The following ZNF704 variants were observed in gnomAD, a reference collection of about 807,000 sequenced individuals.
ZNF704 encodes the protein zinc finger protein 704.
A neutral mutation model predicts 44.7 loss-of-function variants in ZNF704; 10 were observed. That is an observed-to-expected ratio of 0.22 (90% CI 0.14 to 0.38). The LOEUF is 0.38. Among genes scored for constraint, ZNF704 ranks in the 10% least tolerant of loss-of-function variants. ZNF704 has a pLI of 1.00. For synonymous variants in ZNF704, 211 were observed against 207.6 expected, an observed-to-expected ratio of 1.02 and a Z score of -0.14; for missense variants, 390 against 545.5, an observed-to-expected ratio of 0.71 and a Z score of 2.84.
intron 2 of ZNF704, among the ~76,000 whole-genome samples, chr8:80,706,017 G>A (rs1818892054): frequency 6.6e-6 from 1 of 152,162 alleles, no homozygotes; most frequent in South Asian, 2.1e-4. Context: ...CATGGCCCAG[G>A]CTAATGGGGT....
intron 2 of ZNF704, among the ~76,000 whole-genome samples, chr8:80,724,129 A>G (rs1806429324): frequency 6.6e-6 from 1 of 152,224 alleles, no homozygotes; most frequent in South Asian, 2.1e-4. Context: ...TTATCTGGTG[A>G]TGCTGGGACT....
rs944065901 is a variant in ZNF704 at position 80,853,550 on chromosome 8, G to GA, written c.-22+21020dup. 6.8e-5 allele frequency among the ~76,000 whole-genome samples: 10 copies of GA among 147,612 alleles called. No homozygotes were observed. In the East Asian group the frequency reaches 1.2e-3, roughly 18 times the overall value. On this transcript the variant is annotated intron_variant, in intron 1 of 8. Transcript: ENST00000327835. ...AGACTTAAATGAGGAAGCAATGGAG[G>GA]AAAAAAAAATTAAAAAAAAGACAAC...
chr8:80,676,049 G>A (rs901539964), intron 4 of ZNF704, among the ~76,000 whole-genome samples: 2 of 152,162 alleles, frequency 1.3e-5, no homozygotes, highest in African/African-American at 4.8e-5. Context: ...AGTGTCTTAG[G>A]AAGGAAGATG....
chr8:80,883,907 T>C, the ZNF704 span, among the ~76,000 whole-genome samples: 1 of 152,230 alleles, frequency 6.6e-6, no homozygotes, highest in South Asian at 2.1e-4. Context: ...TACACCATTT[T>C]AGTTTCTATG....
chr8:80,654,213 G>A (rs1337672631), intron 7 of ZNF704, among the ~76,000 whole-genome samples: 2 of 152,092 alleles, frequency 1.3e-5, no homozygotes, highest in Admixed American at 1.3e-4. Context: ...AGACTTAAAT[G>A]TTAGACCTAA....
At chr8:80,870,235 C>T (rs183834672) in intron 1 of ZNF704, among the ~76,000 whole-genome samples, 45 of 152,284 alleles carry the variant, frequency 3.0e-4, no homozygotes, top group Admixed American at 6.5e-4. Context: ...AAACTAATAA[C>T]CCCTCTTCCA....
chr8:80,750,637 T>G (rs1806926550), intron 2 of ZNF704, among the ~76,000 whole-genome samples: 1 of 152,064 alleles, frequency 6.6e-6, no homozygotes, highest in Admixed American at 6.6e-5. Context: ...TGCCTCAGCC[T>G]CCCGAGTAGC....
At chr8:80,767,507 T>C (rs1055250373) in intron 2 of ZNF704, among the ~76,000 whole-genome samples, 1 of 152,232 alleles carries the variant, frequency 6.6e-6, no homozygotes, top group Non-Finnish European at 1.5e-5. Context: ...TGCCTCGTTT[T>C]CTACTCACAT....
rs146899902 is a variant in ZNF704, at chr8:80,662,606, A to G, written c.927+2209T>C. 6.1e-3 allele frequency among the ~76,000 whole-genome samples: 926 copies of G among 152,336 alleles called. 9 individuals carry two copies. Among genetic ancestry groups the G allele is most frequent in the African/African-American group, 0.021 (882 of 41,580 alleles). ...TTACTCTTGAGTTTAAGTCTGCTAAATAAGTGGCTAAATTTTTCCTCTATA... is the reference window on the plus strand; with the variant it reads ...TTACTCTTGAGTTTAAGTCTGCTAAGTAAGTGGCTAAATTTTTCCTCTATA... On this transcript the variant is annotated intron_variant, in intron 6 of 8. Coordinates refer to ENST00000327835, the MANE Select transcript of ZNF704 (RefSeq NM_001033723.3).
chr8:80,743,005 A>G (rs188691087), intron 2 of ZNF704, among the ~76,000 whole-genome samples: 76 of 152,162 alleles, frequency 5.0e-4, no homozygotes, highest in African/African-American at 1.7e-3. Context: ...AGCTCACTAA[A>G]ATGCTAATTA....
chr8:80,678,730 T>C (rs1585945598), intron 4 of ZNF704, among the ~76,000 whole-genome samples: 1 of 152,216 alleles, frequency 6.6e-6, no homozygotes, highest in South Asian at 2.1e-4. Flanking sequence ...TTCTTTGATG[T>C]GAAAAGTTAC....
intron 4 of ZNF704, among the ~76,000 whole-genome samples, chr8:80,672,294 C>A (rs527434555): frequency 2.0e-5 from 3 of 152,148 alleles, no homozygotes; most frequent in Non-Finnish European, 4.4e-5. Context: ...TGCAGAGAAA[C>A]GAGGATGCAT....
At chr8:80,777,862 G>C (rs1807441455) in intron 2 of ZNF704, among the ~76,000 whole-genome samples, 1 of 149,234 alleles carries the variant, frequency 6.7e-6, no homozygotes. Flanking sequence ...CTAGGCGACA[G>C]AGTGAGGCTG....
At chr8:80,825,024 C>T (rs1044754866) in intron 1 of ZNF704, among the ~76,000 whole-genome samples, 10 of 152,116 alleles carry the variant, frequency 6.6e-5, no homozygotes, top group Admixed American at 2.0e-4. Context: ...AACTAATGAG[C>T]AAAATAACCA....
intron 3 of ZNF704, among the ~76,000 whole-genome samples, chr8:80,692,234 T>C (rs1818650326): frequency 6.6e-6 from 1 of 152,188 alleles, no homozygotes; most frequent in African/African-American, 2.4e-5. Context: ...CATATCATGA[T>C]TAAGAGAATA....
chr8:80,763,211 G>A (rs1807161345), intron 2 of ZNF704, among the ~76,000 whole-genome samples: 2 of 152,198 alleles, frequency 1.3e-5, no homozygotes, highest in African/African-American at 4.8e-5. Context: ...ACTTGGCAGT[G>A]TCCCAGTGGG....
At chr8:80,695,727 T>C (rs539204077) in intron 2 of ZNF704, among the ~76,000 whole-genome samples, 32 of 152,362 alleles carry the variant, frequency 2.1e-4, no homozygotes, top group Admixed American at 7.8e-4. Context: ...TTATAAAATA[T>C]ACATTTATTT....
chr8:80,636,874 A>G lies in ZNF704; in HGVS notation c.*4492T>C, dbSNP rs1817669923. 1 of 152,264 alleles carries G rather than the reference A, an allele frequency of 6.6e-6. No individual in the cohort carries two copies. The highest frequency in any genetic ancestry group is 2.4e-5 in the African/African-American group (1 of 41,468). 9.4% of individuals were successfully genotyped at this position (152,264 alleles called of 1,614,324 possible). ...AAAGTCCATGGAAGTTTGTTCGCTA[A>G]CATGCTATTAAAGCAAAATGTACAT... On this transcript the variant is annotated 3_prime_UTR_variant, in exon 9 of 9. Transcript: ENST00000327835.
At chr8:80,753,284 G>A (rs1806979139) in intron 2 of ZNF704, among the ~76,000 whole-genome samples, 1 of 152,206 alleles carries the variant, frequency 6.6e-6, no homozygotes, top group African/African-American at 2.4e-5. Context: ...GAGGCTTGCA[G>A]TGCAGCAAAG....
Sources: allele counts gnomAD v4.1 joint callset (sites outside exome capture counted in the v4.1 genomes callset), GRCh38; gene constraint gnomAD v4.1.1; transcripts MANE v1.5; gene names NCBI Gene and HGNC (gene_info 2026-07-23, HGNC 2026-07-21).